The following HMGA2 variants were observed in gnomAD, a reference collection of about 807,000 sequenced individuals.
HMGA2 encodes the protein high mobility group AT-hook 2, also known as high mobility group protein HMGI-C.
HMGA2 carries 8 observed loss-of-function variants against 19.1 expected under a neutral mutation model. The ratio of observed to expected loss-of-function variants is 0.42; its 90% CI spans 0.25 to 0.76. HMGA2 has a LOEUF of 0.76. Among genes scored for constraint, HMGA2 ranks in the 30% least tolerant of loss-of-function variants. The pLI, the probability that HMGA2 is intolerant of heterozygous loss-of-function variation, is 0.28. For synonymous variants in HMGA2, 60 were observed against 48.8 expected (o/e 1.23, Z -0.96); for missense variants, 109 against 136.3 (o/e 0.80, Z 1.00).
At chr12:65,940,602 CA>C (rs1468939663) in intron 3 of HMGA2, among the ~76,000 whole-genome samples, 2 of 152,112 alleles carry the variant, frequency 1.3e-5, no homozygotes, top group Non-Finnish European at 2.9e-5. Flanking sequence ...TTGCCTATAA[CA>C]CTGATTTTCT....
At chr12:65,872,010 C>G (rs1017540515) in intron 3 of HMGA2, among the ~76,000 whole-genome samples, 2 of 152,132 alleles carry the variant, frequency 1.3e-5, no homozygotes, top group Non-Finnish European at 2.9e-5. Context: ...GACAGCCTGT[C>G]CTTGTTAGAC....
intron 2 of HMGA2, among the ~76,000 whole-genome samples, chr12:65,833,477 C>T (rs7979673): frequency 0.14 from 20,905 of 150,236 alleles, 2,738 homozygotes; most frequent in African/African-American, 0.33. Flanking sequence ...GGCTATATCA[C>T]AGTACATAAA....
chr12:65,883,857 A>G (rs1873544856), intron 3 of HMGA2, among the ~76,000 whole-genome samples: 1 of 152,188 alleles, frequency 6.6e-6, no homozygotes, highest in African/African-American at 2.4e-5. Flanking sequence ...TGGGAAAAAT[A>G]ATCTCGTGGT....
At chr12:65,931,443 G>A in intron 3 of HMGA2, among the ~76,000 whole-genome samples, 1 of 152,022 alleles carries the variant, frequency 6.6e-6, no homozygotes. Flanking sequence ...ATCAAATGTT[G>A]AAAGACTTAA....
intron 3 of HMGA2, among the ~76,000 whole-genome samples, chr12:65,849,736 ATTTTTTTTTTT>A (rs34541445): frequency 2.1e-4 from 18 of 85,126 alleles, no homozygotes; most frequent in African/African-American, 7.6e-4. Context: ...TAGGCTCTGT[ATTTTTTTTTTT>A]TTTTTTTTTT....
In HMGA2 at chr12:65,825,902, T is replaced by A. The variant is rs1167105273; in HGVS notation, c.111+521T>A. On this transcript the variant is annotated intron_variant, in intron 1 of 4. Transcript: ENST00000403681. The surrounding 1 kb of genome is among the most constrained non-coding windows in gnomAD (Gnocchi z 4.4). ...GGGCTGGCGCGCCGCAGCCGCCCCC[T>A]TGGCGCCCTCCTCCAAGCTCTCGGT... 6.6e-6 allele frequency: 1 copy of A among 151,546 alleles called. No homozygotes were observed. Among genetic ancestry groups the A allele is most frequent in the Non-Finnish European group, 1.5e-5 (1 of 68,046 alleles). The allele number at this position is 151,546 out of a possible 1,614,324, so 9.4% of individuals were successfully genotyped here.
chr12:65,866,757 T>TC (rs1565713858), intron 3 of HMGA2: 1 of 453,134 alleles, frequency 2.2e-6, no homozygotes, highest in African/African-American at 2.0e-5. Flanking sequence ...TAGTCATTCT[T>TC]CTTTTCAGCA....
chr12:65,912,916 T>G lies in HMGA2; in HGVS notation c.250-38467T>G, dbSNP rs1874907628. 2.6e-5 allele frequency among the ~76,000 whole-genome samples: 4 copies of G among 152,142 alleles called. No homozygotes were observed. In the South Asian group the frequency reaches 8.3e-4, roughly 32 times the overall value. ...ATATAAAGTTAAAATAGAAACTGTT[T>G]TAGGGTTGACAAAAACTCTCAAAGC... is the stretch of plus-strand genomic sequence containing the variant. On this transcript the variant is annotated intron_variant, in intron 3 of 4. Coordinates refer to ENST00000403681, the MANE Select transcript of HMGA2 (RefSeq NM_003483.6).
intron 3 of HMGA2, chr12:65,882,044 T>G: frequency 1.6e-6 from 1 of 635,622 alleles, no homozygotes; most frequent in Non-Finnish European, 2.9e-6. Flanking sequence ...CTCCCAGTTG[T>G]CTATCACCAA....
chr12:65,865,177 T>A, intron 3 of HMGA2, among the ~76,000 whole-genome samples: 1 of 152,202 alleles, frequency 6.6e-6, no homozygotes, highest in East Asian at 1.9e-4. Context: ...TATAATAATA[T>A]CACATACAAA....
chr12:65,826,632 A>T (rs1592368145), intron 1 of HMGA2: 1 of 152,028 alleles, frequency 6.6e-6, no homozygotes, highest in East Asian at 1.9e-4. Flanking sequence ...AAACAAGCCG[A>T]TCTAGAGGCC....
chr12:65,875,456 C>G (rs12818175), intron 3 of HMGA2, among the ~76,000 whole-genome samples: 1 of 152,202 alleles, frequency 6.6e-6, no homozygotes, highest in Admixed American at 6.5e-5. Flanking sequence ...CAAAGTCTTT[C>G]TCTGTTGCCC....
At chr12:65,918,884 G>T (rs1228943868) in intron 3 of HMGA2, among the ~76,000 whole-genome samples, 2 of 152,180 alleles carry the variant, frequency 1.3e-5, no homozygotes, top group Non-Finnish European at 2.9e-5. Flanking sequence ...CTATTTTTAG[G>T]AGTGAGGTGA....
At chr12:65,945,452 T>C (rs1427374659) in intron 3 of HMGA2, among the ~76,000 whole-genome samples, 2 of 152,066 alleles carry the variant, frequency 1.3e-5, no homozygotes, top group Non-Finnish European at 2.9e-5. Context: ...AAAGAAAATA[T>C]ATTCAGGACA....
At chr12:65,832,244 A>G (rs928045689) in intron 2 of HMGA2, among the ~76,000 whole-genome samples, 1 of 152,008 alleles carries the variant, frequency 6.6e-6, no homozygotes, top group African/African-American at 2.4e-5. Context: ...CTATCTGGTA[A>G]TGCTTTTAAT....
chr12:65,831,694 C>G (rs1250571904), intron 2 of HMGA2, among the ~76,000 whole-genome samples: 1 of 151,894 alleles, frequency 6.6e-6, no homozygotes, highest in African/African-American at 2.4e-5. Context: ...CTACTTCATG[C>G]TCCTTCTAAT....
intron 3 of HMGA2, among the ~76,000 whole-genome samples, chr12:65,929,939 C>T (rs80206177): frequency 0.023 from 3,420 of 151,520 alleles, 135 homozygotes; most frequent in African/African-American, 0.078. Context: ...GGATATGTGG[C>T]GAGGAATAGA....
In HMGA2 at chr12:65,875,771, A is replaced by G. The variant is rs1872985110; in HGVS notation, c.249+37202A>G. The stretch of plus-strand genomic sequence containing the variant: ...CGGCCTTGTCTGGTTTTTTAATAGT[A>G]GGCCTACGTATGCCATTAGTCAACT... On this transcript the variant is annotated intron_variant, in intron 3 of 4. Coordinates refer to ENST00000403681, the MANE Select transcript of HMGA2 (RefSeq NM_003483.6). Among the ~76,000 whole-genome samples, 3 of 151,496 alleles carry G rather than the reference A, an allele frequency of 2.0e-5. No homozygotes were observed. The South Asian group carries it at 6.2e-4, about 31-fold the overall frequency.
At chr12:65,913,531 A>G (rs1461387919) in intron 3 of HMGA2, among the ~76,000 whole-genome samples, 2 of 152,178 alleles carry the variant, frequency 1.3e-5, no homozygotes, top group African/African-American at 4.8e-5. Flanking sequence ...CTTCAAAAAC[A>G]TTATATCACT....
Sources: gnomAD v4.1 joint callset for allele counts (sites outside exome capture counted in the v4.1 genomes callset) on GRCh38, gnomAD v4.1.1 for gene constraint, Gnocchi (gnomAD v3.1) non-coding constraint, MANE v1.5 for transcripts, NCBI Gene and HGNC (gene_info 2026-07-23, HGNC 2026-07-21) for gene names.